The following PCTP variants were observed in gnomAD, a reference collection of about 807,000 sequenced individuals.
PCTP encodes START domain-containing protein 2.
In PCTP, 27 loss-of-function variants were observed where a neutral mutation model predicts 31.0. The ratio of observed to expected loss-of-function variants is 0.87; its 90% CI spans 0.64 to 1.20. The LOEUF is 1.20. Ranked by LOEUF, PCTP falls within the 50% of genes most tolerant of loss-of-function variation. The probability of loss-of-function intolerance (pLI) is 0.00; values close to 1 mark genes in which losing one functional copy is unlikely to be tolerated. For missense variants in PCTP, 287 were observed against 268.2 expected, an observed-to-expected ratio of 1.07 and a Z score of -0.49; for synonymous variants, 108 against 101.2, an observed-to-expected ratio of 1.07 and a Z score of -0.40.
chr17:55,849,922 A>C, the PCTP span, among the ~76,000 whole-genome samples: 5 of 152,164 alleles, frequency 3.3e-5, no homozygotes, highest in African/African-American at 1.2e-4. Context: ...AAAAATTATC[A>C]ATGTAATTTG....
intron 3 of PCTP, among the ~76,000 whole-genome samples, chr17:55,818,924 G>A (rs1400297509): frequency 6.7e-6 from 1 of 148,682 alleles, no homozygotes; most frequent in Non-Finnish European, 1.5e-5. Context: ...GGCTCACAGG[G>A]CACTTCAGGG....
downstream of PCTP, among the ~76,000 whole-genome samples, chr17:55,781,729 A>G (rs1911571388): frequency 6.7e-6 from 1 of 149,348 alleles, no homozygotes. Context: ...TGAGTACTGA[A>G]TACTGTAGGC....
intron 3 of PCTP, among the ~76,000 whole-genome samples, chr17:55,793,866 A>T (rs761883204): frequency 9.2e-5 from 14 of 152,098 alleles, no homozygotes; most frequent in Non-Finnish European, 2.1e-4. Flanking sequence ...GTAGCCTTAG[A>T]AGTTATATCA....
At chr17:55,832,637 C>T (rs572528589) in intron 5 of PCTP, among the ~76,000 whole-genome samples, 3 of 152,330 alleles carry the variant, frequency 2.0e-5, no homozygotes, top group African/African-American at 7.2e-5. Flanking sequence ...TGCCCCTAGG[C>T]CTTTGAGAGC....
At position 55,799,235 on chromosome 17, in the gene PCTP, G is replaced by A. The variant is rs143390195; in HGVS notation, c.317+11581G>A. 1.4e-3 allele frequency among the ~76,000 whole-genome samples: 217 copies of A among 151,984 alleles called. 3 individuals carry two copies. Among genetic ancestry groups the A allele is most frequent in the Middle Eastern group, 0.01 (3 of 294 alleles). On this transcript the variant is annotated intron_variant, in intron 3 of 3. Transcript: ENST00000572536. ...CAAAGATTTTTAGATGAAAAGAGAA[G>A]CACAACTATTTGCTGCTTAAAAGAG...
chr17:55,845,085 C>CAAAAAAAAAAAAAAAAA (rs891404386), downstream of PCTP, among the ~76,000 whole-genome samples: 14 of 32,526 alleles, frequency 4.3e-4, no homozygotes, highest in East Asian at 2.9e-3. Context: ...AAAACTCCAT[C>CAAAAAAAAAAAAAAAAA]AAAAAAAAAA....
At chr17:55,823,330 T>C (rs1368070519), downstream of PCTP, among the ~76,000 whole-genome samples, 3 of 152,230 alleles carry the variant, frequency 2.0e-5, no homozygotes, top group Admixed American at 2.0e-4. Flanking sequence ...TATGTTGTCT[T>C]ACCATTGACA....
At chr17:55,783,821 T>C (rs1911649553) in intron 2 of PCTP, among the ~76,000 whole-genome samples, 1 of 152,196 alleles carries the variant, frequency 6.6e-6, no homozygotes. Flanking sequence ...CAGCATTCGT[T>C]TTCCATTACA....
At chr17:55,811,461 A>G (rs751992474) in intron 3 of PCTP, among the ~76,000 whole-genome samples, 1 of 152,180 alleles carries the variant, frequency 6.6e-6, no homozygotes, top group Non-Finnish European at 1.5e-5. Flanking sequence ...AGATAGTCCC[A>G]AGGTTACTCT....
intron 3 of PCTP, among the ~76,000 whole-genome samples, chr17:55,814,722 C>A (rs536202304): frequency 6.6e-6 from 1 of 152,180 alleles, no homozygotes; most frequent in Non-Finnish European, 1.5e-5. Flanking sequence ...GGAATGCTCT[C>A]TCTGCATGTC....
At chr17:55,809,610 C>A (rs879277700) in intron 3 of PCTP, among the ~76,000 whole-genome samples, 2 of 151,446 alleles carry the variant, frequency 1.3e-5, no homozygotes, top group Non-Finnish European at 2.9e-5. Context: ...GCAACCTCCG[C>A]TTCCCGGGTT....
At position 55,751,240 on chromosome 17, in the gene PCTP, ACAAGGTAGCGG is replaced by A; in HGVS notation, c.139_141+8del. 1.3e-6 allele frequency: 2 copies of A among 1,540,432 alleles called. No individual in the cohort carries two copies. Among genetic ancestry groups the A allele is most frequent in the South Asian group, 2.4e-5 (2 of 83,094 alleles). The stretch of plus-strand genomic sequence containing the variant: ...GGCATCAGCATCTACCGGCTGCTGG[ACAAGGTAGCGG>A]CCAACCCGCTGGAGGACCGCGGGGC... On this transcript the variant is annotated splice_donor_variant and splice_donor_5th_base_variant and coding_sequence_variant and intron_variant, in exon 1 of 6. Transcript: ENST00000268896. LOFTEE classifies it high-confidence loss of function.
At chr17:55,842,942 A>G (rs9303374), downstream of PCTP, 26,818 of 152,232 alleles carry the variant, frequency 0.18, 4,327 homozygotes, top group African/African-American at 0.44. Context: ...GTGTCCTGCC[A>G]AAGCTGAGAA....
intron 3 of PCTP, among the ~76,000 whole-genome samples, chr17:55,799,105 A>T (rs1401520309): frequency 6.6e-6 from 1 of 151,978 alleles, no homozygotes; most frequent in Admixed American, 6.6e-5. Context: ...TGCTGGACTA[A>T]TGCAACAGCA....
In PCTP at chr17:55,776,602, A is replaced by T; in HGVS notation, c.*502A>T. 8.1e-7 allele frequency: 1 copy of T among 1,231,068 alleles called. No individual in the cohort carries two copies. Among genetic ancestry groups the T allele is most frequent in the Non-Finnish European group, 1.0e-6 (1 of 988,092 alleles). 76.3% of individuals were successfully genotyped at this position (1,231,068 alleles called of 1,614,324 possible). A position where few individuals can be genotyped will look rare whatever the true frequency, so the allele number is the denominator to read the frequency against. On this transcript the variant is annotated 3_prime_UTR_variant, in exon 6 of 6. Coordinates refer to ENST00000268896, the MANE Select transcript of PCTP (RefSeq NM_021213.4). ...TTCGTTCAGAGCTGACTTTCAGTGCACCCAAACTGGATGACGTGCCAATGT... is the reference window on the plus strand; with the variant it reads ...TTCGTTCAGAGCTGACTTTCAGTGCTCCCAAACTGGATGACGTGCCAATGT...
At chr17:55,755,872 G>T (rs764498721) in intron 1 of PCTP, among the ~76,000 whole-genome samples, 84 of 152,196 alleles carry the variant, frequency 5.5e-4, no homozygotes, top group Non-Finnish European at 9.3e-4. Context: ...ATGGAAATAA[G>T]ATCCAGAGTT....
intron 3 of PCTP, among the ~76,000 whole-genome samples, chr17:55,818,660 A>G (rs1239137883): frequency 6.6e-6 from 1 of 152,218 alleles, no homozygotes; most frequent in Non-Finnish European, 1.5e-5. Flanking sequence ...TACAGGAGTG[A>G]AAAGGAAATT....
chr17:55,756,714 AATGT>A (rs1465069052), intron 1 of PCTP, among the ~76,000 whole-genome samples: 2 of 50,948 alleles, frequency 3.9e-5, no homozygotes, highest in East Asian at 1.8e-3. Context: ...GTGTATTATG[AATGT>A]GTGTGTGTGT....
At chr17:55,827,885 C>G (rs970300100), downstream of PCTP, among the ~76,000 whole-genome samples, 2 of 152,140 alleles carry the variant, frequency 1.3e-5, no homozygotes, top group Admixed American at 1.3e-4. Context: ...CCCTCCCTGA[C>G]GAGAAGCTTA....
Sources: allele counts gnomAD v4.1 joint callset (sites outside exome capture counted in the v4.1 genomes callset), GRCh38; gene constraint gnomAD v4.1.1; transcripts MANE v1.5; gene names NCBI Gene and HGNC (gene_info 2026-07-23, HGNC 2026-07-21).